DPYD: variants seen among roughly 807,000 people sequenced by gnomAD.
DPYD encodes dihydropyrimidine dehydrogenase [NADP(+)].
In DPYD, 109 loss-of-function variants were observed where a neutral mutation model predicts 116.2. The observed-to-expected ratio is 0.94, with a 90% CI of 0.80 to 1.10. DPYD has a LOEUF of 1.10. Ranked by LOEUF, DPYD falls within the 50% of genes least tolerant of loss-of-function variation. The pLI is 0.00. For synonymous variants in DPYD, 440 were observed against 432.0 expected (o/e 1.02, Z -0.23); for missense variants, 1,302 against 1,254.5 (o/e 1.04, Z -0.57).
At chr1:97,472,377 A>G (rs1368191946) in intron 13 of DPYD, among the ~76,000 whole-genome samples, 2 of 152,100 alleles carry the variant, frequency 1.3e-5, no homozygotes, top group Admixed American at 6.6e-5. Flanking sequence ...CATCTCCCCT[A>G]TGCACATCAC....
intron 19 of DPYD, among the ~76,000 whole-genome samples, chr1:97,225,043 ATCTATCTATCTATCTG>A (rs1055738244): frequency 3.1e-4 from 42 of 135,796 alleles, no homozygotes; most frequent in South Asian, 2.2e-3. Flanking sequence ...CTATCTATCT[ATCTATCTATCTATCTG>A]TCTATCATCT....
chr1:97,661,886 A>ACATATTTAAATATG (rs1659278638), intron 8 of DPYD, among the ~76,000 whole-genome samples: 1 of 151,924 alleles, frequency 6.6e-6, no homozygotes, highest in Non-Finnish European at 1.5e-5. Flanking sequence ...ATGTATATAC[A>ACATATTTAAATATG]TACATACACA....
chr1:97,464,047 T>A (rs1570774917), intron 13 of DPYD, among the ~76,000 whole-genome samples: 1 of 152,028 alleles, frequency 6.6e-6, no homozygotes, highest in East Asian at 1.9e-4. Flanking sequence ...AAGACCAGCC[T>A]GGTCAACATG....
Position 97,390,951 on chromosome 1 carries a change from T to C in DPYD, c.1906-8490A>G, listed in dbSNP as rs1231064484. Among the ~76,000 whole-genome samples, 10 of 151,974 alleles carry C rather than the reference T, an allele frequency of 6.6e-5. No individual in the cohort carries two copies. The East Asian group carries it at 1.7e-3, about 27-fold the overall frequency. ...TATTATATACTTTTCAGCCCAGATC[T>C]GTACTAAACTCTCTTCAGCATTTAA... On this transcript the variant is annotated intron_variant, in intron 14 of 22. Transcript: ENST00000370192.
At chr1:97,829,262 T>C (rs75992345) in intron 2 of DPYD, among the ~76,000 whole-genome samples, 7,780 of 152,012 alleles carry the variant, frequency 0.051, 278 homozygotes, top group Non-Finnish European at 0.072. Flanking sequence ...ATGTCCAATG[T>C]ATAAGAATGA....
At chr1:97,480,994 G>T (rs1384966979) in intron 13 of DPYD, among the ~76,000 whole-genome samples, 2 of 151,182 alleles carry the variant, frequency 1.3e-5, no homozygotes, top group African/African-American at 2.4e-5. Flanking sequence ...AAAACAAAAA[G>T]AAAAAAAATT....
intron 3 of DPYD, among the ~76,000 whole-genome samples, chr1:97,802,122 C>T (rs914454637): frequency 4.0e-5 from 6 of 151,758 alleles, no homozygotes; most frequent in African/African-American, 1.2e-4. Context: ...GAGGTAAAGA[C>T]GTAGAGTCAC....
chr1:97,353,227 C>A (rs192580505), intron 16 of DPYD, among the ~76,000 whole-genome samples: 4 of 152,150 alleles, frequency 2.6e-5, no homozygotes, highest in Non-Finnish European at 4.4e-5. Context: ...TATGGTCACT[C>A]GCTGCCAGGC....
chr1:97,665,045 C>G (rs114654880), intron 8 of DPYD, among the ~76,000 whole-genome samples: 9 of 152,000 alleles, frequency 5.9e-5, no homozygotes, highest in Admixed American at 5.2e-4. Flanking sequence ...CTTTTCTAAG[C>G]CCCATATGAT....
Position 97,690,419 on chromosome 1 carries a change from C to T in DPYD, c.762+1298G>A, listed in dbSNP as rs542145167. On this transcript the variant is annotated intron_variant, in intron 7 of 22. Coordinates refer to ENST00000370192, the MANE Select transcript of DPYD (RefSeq NM_000110.4). ...ATATAAGATAAATGGAGAAATAAAG[C>T]CTAATTTCTTTTTTCATTTTTTATT... Among the ~76,000 whole-genome samples the T allele has an allele frequency of 1.3e-4, 20 of 151,664 alleles. No individual in the cohort carries two copies. The South Asian group carries it at 1.9e-3, about 14-fold the overall frequency.
rs1362013095 is a variant in DPYD, at chr1:97,780,950, A to G, written c.234-40471T>C. On this transcript the variant is annotated intron_variant, in intron 3 of 22. Coordinates refer to ENST00000370192, the MANE Select transcript of DPYD (RefSeq NM_000110.4). ...ATGAAAATATGAACGTATCTTTAACATAACAGCAGAACAAATAACTAACAG... is the reference window on the plus strand; with the variant it reads ...ATGAAAATATGAACGTATCTTTAACGTAACAGCAGAACAAATAACTAACAG... Among the ~76,000 whole-genome samples, 8 of 152,242 alleles carry G rather than the reference A, an allele frequency of 5.3e-5. No homozygotes were observed. In the East Asian group the frequency reaches 1.3e-3, roughly 26 times the overall value.
chr1:97,181,293 A>G (rs1314617673), intron 20 of DPYD, among the ~76,000 whole-genome samples: 1 of 152,152 alleles, frequency 6.6e-6, no homozygotes, highest in African/African-American at 2.4e-5. Flanking sequence ...TCTGGTTACA[A>G]GCAATGCAAA....
chr1:97,727,468 G>GT (rs1241551347), intron 4 of DPYD, among the ~76,000 whole-genome samples: 4 of 151,726 alleles, frequency 2.6e-5, no homozygotes, highest in African/African-American at 9.7e-5. Context: ...AAGGGTTCCA[G>GT]TATTAAGAAA....
At chr1:97,525,872 G>A (rs1229931618) in intron 12 of DPYD, among the ~76,000 whole-genome samples, 1 of 69,152 alleles carries the variant, frequency 1.4e-5, no homozygotes. Context: ...AAGAGTGTGC[G>A]TGTGTGTGTG....
chr1:97,314,837 A>T, intron 16 of DPYD, among the ~76,000 whole-genome samples: 1 of 151,894 alleles, frequency 6.6e-6, no homozygotes, highest in South Asian at 2.1e-4. Flanking sequence ...TGCCCAAATA[A>T]ACAGATCAAT....
chr1:97,115,972 A>C (rs1365201474), intron 20 of DPYD, among the ~76,000 whole-genome samples: 4 of 152,136 alleles, frequency 2.6e-5, no homozygotes, highest in African/African-American at 4.8e-5. Context: ...AAACTCCTAC[A>C]TTTTAGGTCT....
chr1:97,758,435 C>G, intron 3 of DPYD, among the ~76,000 whole-genome samples: 1 of 151,510 alleles, frequency 6.6e-6, no homozygotes, highest in Non-Finnish European at 1.5e-5. Context: ...TGTTTCTTTA[C>G]ATGAGAGACA....
At chr1:97,102,960 A>G (rs1304657891) in intron 20 of DPYD, among the ~76,000 whole-genome samples, 1 of 152,008 alleles carries the variant, frequency 6.6e-6, no homozygotes, top group Non-Finnish European at 1.5e-5. Context: ...ATCTTTAAAA[A>G]CCTCAAAAAG....
intron 20 of DPYD, among the ~76,000 whole-genome samples, chr1:97,140,302 G>A (rs1332275275): frequency 2.0e-5 from 3 of 151,978 alleles, no homozygotes; most frequent in Non-Finnish European, 2.9e-5. Context: ...TTTTTTTTGG[G>A]GACACTCTGG....
Sources: gnomAD v4.1 joint callset for allele counts (sites outside exome capture counted in the v4.1 genomes callset) on GRCh38, gnomAD v4.1.1 for gene constraint, MANE v1.5 for transcripts, NCBI Gene and HGNC (gene_info 2026-07-23, HGNC 2026-07-21) for gene names.